The following DNAH17 variants were observed in gnomAD, a reference collection of about 807,000 sequenced individuals.
The protein encoded by DNAH17 is axonemal beta dynein heavy chain 17.
A neutral mutation model predicts 485.6 loss-of-function variants in DNAH17; 376 were observed. The observed-to-expected ratio is 0.77, with a 90% CI of 0.71 to 0.84. The LOEUF (loss-of-function observed/expected upper bound fraction) is 0.84. Ranked by LOEUF, DNAH17 falls within the 40% of genes least tolerant of loss-of-function variation. The pLI is 0.00. For missense variants in DNAH17, 6,370 were observed against 5,839.3 expected (o/e 1.09, Z -2.96); for synonymous variants, 3,031 against 2,405.9 (o/e 1.26, Z -7.60).
chr17:78,483,450 T>G (rs2089440245), intron 48 of DNAH17, among the ~76,000 whole-genome samples: 1 of 150,982 alleles, frequency 6.6e-6, no homozygotes, highest in Non-Finnish European at 1.5e-5. Flanking sequence ...GCCAATATAG[T>G]TAAGCCCCGT....
intron 53 of DNAH17, 71 bp downstream of exon 53, chr17:78,475,598 T>C: frequency 1.2e-6 from 2 of 1,602,684 alleles, no homozygotes; most frequent in South Asian, 2.2e-5. Context: ...CACTCGGATG[T>C]CGATAATGCA....
intron 73 of DNAH17, 57 bp from the exon 74 acceptor site, chr17:78,437,925 A>T: frequency 7.4e-7 from 1 of 1,343,300 alleles, no homozygotes. Context: ...GCCCACGAGG[A>T]GAGACTGGCA....
chr17:78,507,169 T>C lies in DNAH17; in HGVS notation c.4676+109A>G. The C allele has an allele frequency of 7.0e-6, 9 of 1,279,662 alleles. No individual in the cohort carries two copies. In the South Asian group the frequency reaches 1.2e-4, roughly 18 times the overall value. The allele number at this position is 1,279,662 out of a possible 1,614,324, so 79.3% of individuals were successfully genotyped here. On this transcript the variant is annotated intron_variant, in intron 29 of 80. Coordinates refer to ENST00000389840, the MANE Select transcript of DNAH17 (RefSeq NM_173628.4). ...AATTGATTAACCCAGGACCCATGGT[T>C]TTGCCCTGTCCTGGCCAGCAGGCTG... is the stretch of plus-strand genomic sequence containing the variant.
Position 78,479,637 on chromosome 17 carries a change from C to G in DNAH17, c.7753-5G>C, listed in dbSNP as rs780406049. The G allele has an allele frequency of 6.2e-7, 1 of 1,612,452 alleles. No homozygotes were observed. Among genetic ancestry groups the G allele is most frequent in the South Asian group, 1.1e-5 (1 of 90,996 alleles). ...AGCAAACACGCAGAAATGGCGCTAC[C>G]CCAAAACAACCAAACACTCCAGTCA... On this transcript the variant is annotated splice_region_variant and splice_polypyrimidine_tract_variant and intron_variant, in intron 49 of 80. Coordinates refer to ENST00000389840, the MANE Select transcript of DNAH17 (RefSeq NM_173628.4).
Position 78,553,028 on chromosome 17 carries a change from C to T in DNAH17, c.2179-223G>A, listed in dbSNP as rs969103630. On this transcript the variant is annotated intron_variant, in intron 14 of 80. Coordinates refer to ENST00000389840, the MANE Select transcript of DNAH17 (RefSeq NM_173628.4). ...TCATGAATGGTGTAGCATCACCCCCCGATGCCGTTCTTGGGATAGTGAATG... is the reference window on the plus strand; with the variant it reads ...TCATGAATGGTGTAGCATCACCCCCTGATGCCGTTCTTGGGATAGTGAATG... 4.6e-5 allele frequency among the ~76,000 whole-genome samples: 7 copies of T among 151,926 alleles called. No individual in the cohort carries two copies. In the South Asian group the frequency reaches 8.3e-4, roughly 18 times the overall value.
Position 78,467,177 on chromosome 17 carries a change from G to A in DNAH17, c.8779-361C>T, listed in dbSNP as rs2088510962. Among the ~76,000 whole-genome samples, 5 of 152,248 alleles carry A rather than the reference G, an allele frequency of 3.3e-5. 1 individual carries two copies. In the South Asian group the frequency reaches 1.0e-3, roughly 32 times the overall value. On this transcript the variant is annotated intron_variant, in intron 55 of 80. Coordinates refer to ENST00000389840, the MANE Select transcript of DNAH17 (RefSeq NM_173628.4). Reference sequence around the variant, plus strand: ...CGGTTCAGCAGGAAGGGTCCCCGCTGGGCCCTGAGGGATAGTGGCTAATTC... The same window carrying A: ...CGGTTCAGCAGGAAGGGTCCCCGCTAGGCCCTGAGGGATAGTGGCTAATTC...
chr17:78,536,844 G>A (rs1598665541), intron 19 of DNAH17, among the ~76,000 whole-genome samples: 1 of 152,052 alleles, frequency 6.6e-6, no homozygotes, highest in Non-Finnish European at 1.5e-5. Context: ...GGGGAGAGAA[G>A]TGGCCATGTC....
chr17:78,429,756 C>A (rs747947124), intron 75 of DNAH17, among the ~76,000 whole-genome samples: 29 of 152,232 alleles, frequency 1.9e-4, no homozygotes, highest in Non-Finnish European at 3.8e-4. Context: ...TTCTGTGTGG[C>A]TCAAGGATTG....
At chr17:78,464,773 G>T (rs2088330580) in intron 56 of DNAH17, among the ~76,000 whole-genome samples, 1 of 152,220 alleles carries the variant, frequency 6.6e-6, no homozygotes, top group African/African-American at 2.4e-5. Context: ...TGGCCCTGGA[G>T]CCTTGGCTGC....
Position 78,495,100 on chromosome 17 carries a change from G to A in DNAH17, c.5904-3C>T. ...CGGGGACGACCATGGCACAGGGCCT[G>A]GGGAGGTCAGCGGTGCCTGTGGGCT... On this transcript the variant is annotated splice_region_variant and splice_polypyrimidine_tract_variant and intron_variant, in intron 38 of 80. Coordinates refer to ENST00000389840, the MANE Select transcript of DNAH17 (RefSeq NM_173628.4). 1.9e-6 allele frequency: 3 copies of A among 1,601,268 alleles called. No individual in the cohort carries two copies. Among genetic ancestry groups the A allele is most frequent in the Non-Finnish European group, 2.6e-6 (3 of 1,173,514 alleles).
intron 64 of DNAH17, 147 bp downstream of exon 64, chr17:78,454,323 C>T (rs1443750514): frequency 6.4e-6 from 4 of 627,776 alleles, no homozygotes; most frequent in African/African-American, 3.7e-5. Flanking sequence ...TTCTTTACTA[C>T]TGCTGCTGTT....
At chr17:78,502,499 C>G (rs116212656) in intron 33 of DNAH17, 92 bp downstream of exon 33, 4 of 1,241,488 alleles carry the variant, frequency 3.2e-6, no homozygotes, top group Non-Finnish European at 4.4e-6. Context: ...TCCAGGTACT[C>G]GCCCGGCAGG....
Position 78,543,867 on chromosome 17 carries a change from G to T in DNAH17, c.2522C>A (p.Ala841Asp). The T allele has an allele frequency of 1.2e-6, 2 of 1,614,026 alleles. No homozygotes were observed. Among genetic ancestry groups the T allele is most frequent in the Non-Finnish European group, 1.7e-6 (2 of 1,179,888 alleles). ...TGGGTGTTTCCTTACTGCAACCATG[G>T]CTTGGATCTTCACTCCAGCATCCCT... ...AVRDAGVKIQ[A>D]MVAENAELFR... is the part of the protein sequence containing the mutation. The change falls in exon 17 of 81, where the codon GCC becomes GAC. Residue 841 changes from alanine to aspartate, a missense_variant. Transcript: ENST00000389840.
At chr17:78,452,205 TC>T (rs200008875) in intron 65 of DNAH17, among the ~76,000 whole-genome samples, 17,767 of 152,016 alleles carry the variant, frequency 0.12, 1,552 homozygotes, top group African/African-American at 0.24. Context: ...ATTTGCCACC[TC>T]CTGGGTTCTG....
intron 79 of DNAH17, 34 bp from the exon 80 acceptor site, chr17:78,425,605 A>G: frequency 6.4e-7 from 1 of 1,553,646 alleles, no homozygotes; most frequent in Non-Finnish European, 8.7e-7. Context: ...GGAGGAGAGG[A>G]CATAGAATGA....
At chr17:78,480,085 C>A (rs11077369) in intron 49 of DNAH17, among the ~76,000 whole-genome samples, 4 of 100,512 alleles carry the variant, frequency 4.0e-5, no homozygotes, top group East Asian at 3.0e-4. Context: ...ACGGTGACTC[C>A]CACCTGTAAT....
In DNAH17 at chr17:78,459,837, G is replaced by C. The variant is rs766030113; in HGVS notation, c.9600C>G (p.Ser3200=). The part of the protein sequence containing the change: ...MMGKVDTFLD[S]LKKFDKEHIP... ...TGTGCTCCTTGTCGAACTTCTTCAG[G>C]GAGTCTAGGAAGGTGTCCACCTTGC... Residue 3200 remains serine (S), a synonymous_variant, in exon 60 of 81, where the codon TCC becomes TCG. Coordinates refer to ENST00000389840, the MANE Select transcript of DNAH17 (RefSeq NM_173628.4). 6.2e-7 allele frequency: 1 copy of C among 1,614,016 alleles called. No individual in the cohort carries two copies. The highest frequency in any genetic ancestry group is 8.5e-7 in the Non-Finnish European group (1 of 1,179,888).
At chr17:78,469,771 T>C (rs1443415737) in intron 54 of DNAH17, among the ~76,000 whole-genome samples, 1 of 152,210 alleles carries the variant, frequency 6.6e-6, no homozygotes, top group Admixed American at 6.5e-5. Flanking sequence ...ACACGTGCTA[T>C]AGCACGGACA....
intron 25 of DNAH17, among the ~76,000 whole-genome samples, chr17:78,516,193 A>G (rs1416614805): frequency 6.6e-6 from 1 of 152,222 alleles, no homozygotes; most frequent in Non-Finnish European, 1.5e-5. Context: ...GTTCGAGATT[A>G]CCCTGCATCC....
Sources: allele counts gnomAD v4.1 joint callset (sites outside exome capture counted in the v4.1 genomes callset), GRCh38; gene constraint gnomAD v4.1.1; transcripts MANE v1.5; gene names NCBI Gene and HGNC (gene_info 2026-07-23, HGNC 2026-07-21).